The following MAPK6 variants were observed in gnomAD, a reference collection of about 807,000 sequenced individuals.
MAPK6 encodes ERK-3.
A neutral mutation model predicts 59.3 loss-of-function variants in MAPK6; 19 were observed. The observed-to-expected ratio is 0.32, with a 90% confidence interval of 0.22 to 0.47. MAPK6 has a LOEUF of 0.47. MAPK6 is among the 20% of genes least tolerant of loss of function. The pLI is 1.00. For missense variants in MAPK6, 724 were observed against 847.9 expected, an observed-to-expected ratio of 0.85 and a Z score of 1.81; for synonymous variants, 316 against 290.3, an observed-to-expected ratio of 1.09 and a Z score of -0.90.
At chr15:52,000,109 G>GTT (rs112632149) in intron 2 of MAPK6, among the ~76,000 whole-genome samples, 5 of 145,014 alleles carry the variant, frequency 3.4e-5, no homozygotes, top group Admixed American at 2.1e-4. Flanking sequence ...GGCTAATTTT[G>GTT]TTTTTTTTTT....
chr15:51,979,785 C>A (rs1157704835), intron 1 of MAPK6, among the ~76,000 whole-genome samples: 2 of 149,232 alleles, frequency 1.3e-5, no homozygotes, highest in African/African-American at 2.5e-5. Context: ...CAAAGTGAGA[C>A]CCTGTCTCCA....
At chr15:51,977,107 A>G (rs538342573) in intron 1 of MAPK6, among the ~76,000 whole-genome samples, 1 of 151,032 alleles carries the variant, frequency 6.6e-6, no homozygotes, top group South Asian at 2.1e-4. Context: ...AGGTTCTACA[A>G]TTCTCCTGCC....
intron 2 of MAPK6, among the ~76,000 whole-genome samples, chr15:51,992,305 ATTTTTTT>A (rs61396800): frequency 8.9e-5 from 9 of 101,424 alleles, no homozygotes; most frequent in African/African-American, 3.4e-4. Flanking sequence ...ATATATATAT[ATTTTTTT>A]TTTTTTTGAG....
chr15:52,011,857 G>A (rs2141832239), intron 3 of MAPK6, among the ~76,000 whole-genome samples: 1 of 152,320 alleles, frequency 6.6e-6, no homozygotes, highest in Middle Eastern at 3.4e-3. Flanking sequence ...GTGTCTAGGA[G>A]AGCAGTCATT....
chr15:52,010,512 GC>G (rs199764523), intron 3 of MAPK6, among the ~76,000 whole-genome samples: 2,549 of 138,192 alleles, frequency 0.018, 76 homozygotes, highest in East Asian at 0.06. Flanking sequence ...ATTGCACCCA[GC>G]CTTTTTTTTT....
At chr15:51,974,658 CAAAAAAAAAAAAA>C (rs765698138) in intron 1 of MAPK6, among the ~76,000 whole-genome samples, 1 of 32,964 alleles carries the variant, frequency 3.0e-5, no homozygotes, top group Non-Finnish European at 5.8e-5. Context: ...GACTCCGTCT[CAAAAAAAAAAAAA>C]AAAAAAAAAA....
Position 52,064,886 on chromosome 15 carries a change from T to A in MAPK6, c.2052T>A (p.Ser684Arg). ...CCATAGGCATCCCACAGTTTCACAG[T>A]CCAGTTGGGTCACCACTTAAGTCAA... is the stretch of plus-strand genomic sequence containing the variant. ...LESIGIPQFH[S>R]PVGSPLKSIQ... The change falls in exon 6 of 6, where the codon AGT becomes AGA. Residue 684 changes from serine (S) to arginine (R), a missense_variant. Ser to Arg is a moderately radical substitution (Grantham distance 110, BLOSUM62 -1). Coordinates refer to ENST00000261845, the MANE Select transcript of MAPK6 (RefSeq NM_002748.4). 1 of 1,611,970 alleles carries A rather than the reference T, an allele frequency of 6.2e-7. No homozygotes were observed. Among genetic ancestry groups the A allele is most frequent in the Non-Finnish European group, 8.5e-7 (1 of 1,179,828 alleles).
At chr15:52,062,776 T>TA (rs1458092619) in intron 5 of MAPK6, among the ~76,000 whole-genome samples, 2 of 151,968 alleles carry the variant, frequency 1.3e-5, no homozygotes. Context: ...AATAAATAAA[T>TA]AAATACATTT....
chr15:52,049,351 ATTTTTTTTTTTTTT>A (rs60965378), intron 2 of MAPK6, among the ~76,000 whole-genome samples: 167 of 109,726 alleles, frequency 1.5e-3, no homozygotes, highest in African/African-American at 5.5e-3. Flanking sequence ...GAGTTATATA[ATTTTTTTTTTTTTT>A]TTTTTTTTTT....
intron 3 of MAPK6, among the ~76,000 whole-genome samples, chr15:52,053,049 A>G (rs1018492119): frequency 6.8e-6 from 1 of 147,722 alleles, no homozygotes; most frequent in Non-Finnish European, 1.5e-5. Context: ...CCTATCGGGT[A>G]TGAAGTAGTA....
chr15:52,006,838 T>G (rs1458834476), intron 3 of MAPK6, among the ~76,000 whole-genome samples: 3 of 152,200 alleles, frequency 2.0e-5, no homozygotes, highest in African/African-American at 7.2e-5. Context: ...ACCATCCTTC[T>G]CTGTGGTCTC....
intron 1 of MAPK6, among the ~76,000 whole-genome samples, chr15:52,030,299 C>G (rs758738158): frequency 6.6e-6 from 1 of 152,148 alleles, no homozygotes; most frequent in South Asian, 2.1e-4. Context: ...GCGAGCTCTT[C>G]GGAAGCAGAA....
chr15:52,020,833 T>C (rs1018636701), intron 1 of MAPK6, among the ~76,000 whole-genome samples: 1 of 152,270 alleles, frequency 6.6e-6, no homozygotes, highest in Non-Finnish European at 1.5e-5. Context: ...ATTTCACATA[T>C]GTTACATCAT....
At chr15:52,002,925 ATACCTGT>A (rs2057246661) in intron 2 of MAPK6, among the ~76,000 whole-genome samples, 2 of 152,176 alleles carry the variant, frequency 1.3e-5, no homozygotes, top group African/African-American at 4.8e-5. Flanking sequence ...GCGGTGGCTC[ATACCTGT>A]AATCCCAGCA....
intron 2 of MAPK6, among the ~76,000 whole-genome samples, chr15:52,001,124 C>G (rs759998744): frequency 6.6e-6 from 1 of 152,040 alleles, no homozygotes; most frequent in Non-Finnish European, 1.5e-5. Flanking sequence ...GGGTTACGGC[C>G]CTTATGAAAA....
At chr15:52,020,811 G>A (rs893668727) in intron 1 of MAPK6, among the ~76,000 whole-genome samples, 3 of 152,206 alleles carry the variant, frequency 2.0e-5, no homozygotes, top group Non-Finnish European at 4.4e-5. Flanking sequence ...ATGTGCCAGG[G>A]ATTGTAAAGT....
chr15:52,019,632 G>A (rs1367652577), intron 1 of MAPK6, among the ~76,000 whole-genome samples: 1 of 146,284 alleles, frequency 6.8e-6, no homozygotes, highest in Non-Finnish European at 1.5e-5. Flanking sequence ...GGCGGGCTGG[G>A]GTCCCCGCGT....
intron 1 of MAPK6, among the ~76,000 whole-genome samples, chr15:51,980,394 C>G (rs2057169657): frequency 6.7e-6 from 1 of 150,054 alleles, no homozygotes; most frequent in African/African-American, 2.4e-5. Context: ...TTAATATTTT[C>G]TAGGGTTTCC....
rs143485785 is a variant in MAPK6 at position 52,063,631 on chromosome 15, A to G, written c.1068-271A>G. ...TACCTGATTGAGATTTGAGATCTGC[A>G]TTTTGTGGCTATGAAGTCTTTTGTT... On this transcript the variant is annotated intron_variant, in intron 5 of 5. Transcript: ENST00000261845. Among the ~76,000 whole-genome samples, 835 of 152,146 alleles carry G rather than the reference A, an allele frequency of 5.5e-3. 4 individuals carry two copies. The highest frequency in any genetic ancestry group is 0.018 in the African/African-American group (751 of 41,494).
Sources: gnomAD v4.1 joint callset for allele counts (sites outside exome capture counted in the v4.1 genomes callset) on GRCh38, gnomAD v4.1.1 for gene constraint, MANE v1.5 for transcripts, NCBI Gene and HGNC (gene_info 2026-07-23, HGNC 2026-07-21) for gene names.